Variants in CELF2 observed in about 807,000 individuals in gnomAD.
CELF2 encodes the protein CUG triplet repeat RNA-binding protein 2.
A neutral mutation model predicts 62.6 loss-of-function variants in CELF2; 8 were observed. The ratio of observed to expected loss-of-function variants is 0.13; its 90% CI spans 0.07 to 0.23. The LOEUF is 0.23. Among genes scored for constraint, CELF2 ranks in the 10% least tolerant of loss-of-function variants. CELF2 has a pLI of 1.00. For synonymous variants in CELF2, 258 were observed against 250.0 expected (o/e 1.03, Z -0.30); for missense variants, 333 against 671.0 (o/e 0.50, Z 5.56).
chr10:11,213,915 T>C (rs1019742345), intron 2 of CELF2, among the ~76,000 whole-genome samples: 1 of 152,212 alleles, frequency 6.6e-6, no homozygotes, highest in African/African-American at 2.4e-5. Context: ...TCTTTTTTGG[T>C]CCTGAATGAA....
chr10:10,975,869 T>C (rs540759599), intron 2 of CELF2, among the ~76,000 whole-genome samples: 1 of 152,328 alleles, frequency 6.6e-6, no homozygotes, highest in South Asian at 2.1e-4. Context: ...AGCTGACTCA[T>C]AGGCAACACA....
the CELF2 span, among the ~76,000 whole-genome samples, chr10:10,759,667 T>A: frequency 6.6e-6 from 1 of 152,032 alleles, no homozygotes; most frequent in Non-Finnish European, 1.5e-5. Flanking sequence ...TGCTTGAGGC[T>A]TCATGGCCCT....
the CELF2 span, among the ~76,000 whole-genome samples, chr10:10,544,720 A>C: frequency 6.6e-6 from 1 of 152,208 alleles, no homozygotes; most frequent in Non-Finnish European, 1.5e-5. Context: ...CAACTTCCCA[A>C]CACAGAGTAT....
At chr10:10,794,542 GA>G (rs895424963), upstream of CELF2, among the ~76,000 whole-genome samples, 1 of 151,172 alleles carries the variant, frequency 6.6e-6, no homozygotes, top group African/African-American at 2.4e-5. Context: ...AAAGACGAAT[GA>G]AAAAATGACA....
At chr10:10,519,242 G>A in the CELF2 span, among the ~76,000 whole-genome samples, 13 of 152,120 alleles carry the variant, frequency 8.5e-5, no homozygotes, top group African/African-American at 3.1e-4. Flanking sequence ...CTCTGGAAAT[G>A]GTTGCTTGTT....
chr10:11,241,349 G>A (rs1025154066), intron 3 of CELF2, among the ~76,000 whole-genome samples: 3 of 152,112 alleles, frequency 2.0e-5, no homozygotes, highest in Admixed American at 6.6e-5. Context: ...ACAGGTGTGC[G>A]CCACCATGCC....
chr10:11,157,698 A>G lies in CELF2; in HGVS notation c.75-7788A>G, dbSNP rs1043511239. ...AGCAGATATTCAGTAACTGAGAATG[A>G]GAAGGAAAGAAAAGGACTCAGGGTA... On this transcript the variant is annotated intron_variant, in intron 1 of 12. Transcript: ENST00000633077. The surrounding 1 kb of genome is among the most constrained non-coding windows in gnomAD (Gnocchi z 4.9). 6.6e-6 allele frequency among the ~76,000 whole-genome samples: 1 copy of G among 152,212 alleles called. No individual in the cohort carries two copies. The highest frequency in any genetic ancestry group is 2.4e-5 in the African/African-American group (1 of 41,440).
Position 10,931,717 on chromosome 10 carries a change from A to G in CELF2, c.89+11718A>G, listed in dbSNP as rs551447628. On this transcript the variant is annotated intron_variant, in intron 2 of 13. Transcript: ENST00000636488. This position sits in a 1 kb window ranked among gnomAD's most constrained non-coding sequence, Gnocchi z 6.1. ...AATGGAGATGCTTATGGACACCACA[A>G]TGAAACCTTAAAATGAATCTCTTGA... Among the ~76,000 whole-genome samples, 33 of 152,348 alleles carry G rather than the reference A, an allele frequency of 2.2e-4. No homozygotes were observed. The highest frequency in any genetic ancestry group is 7.9e-4 in the African/African-American group (33 of 41,580).
At chr10:11,236,791 AAAGGAAAT>A (rs2071493607) in intron 3 of CELF2, among the ~76,000 whole-genome samples, 6 of 152,224 alleles carry the variant, frequency 3.9e-5, no homozygotes, top group Admixed American at 1.3e-4. Flanking sequence ...TTAGATTGGC[AAAGGAAAT>A]ACGTGTGTAC....
chr10:11,228,142 G>A (rs946118365), intron 3 of CELF2, among the ~76,000 whole-genome samples: 7 of 152,164 alleles, frequency 4.6e-5, no homozygotes, highest in Non-Finnish European at 1.0e-4. Flanking sequence ...GATGTTTCTA[G>A]CATATTTTGG....
chr10:11,177,930 G>A lies in CELF2; in HGVS notation c.271+12248G>A, dbSNP rs1019671987. ...GGTGAAGCCAGTATGTCCTGGTGGTGGCCTTAGAAGACAGCCCCTGTGAGG... is the reference window on the plus strand; with the variant it reads ...GGTGAAGCCAGTATGTCCTGGTGGTAGCCTTAGAAGACAGCCCCTGTGAGG... On this transcript the variant is annotated intron_variant, in intron 2 of 12. Transcript: ENST00000633077. This position sits in a 1 kb window ranked among gnomAD's most constrained non-coding sequence, Gnocchi z 4.8. Among the ~76,000 whole-genome samples the A allele has an allele frequency of 1.3e-5, 2 of 152,180 alleles. No homozygotes were observed. Among genetic ancestry groups the A allele is most frequent in the African/African-American group, 4.8e-5 (2 of 41,442 alleles).
chr10:11,173,365 C>T (rs991265779), intron 2 of CELF2, among the ~76,000 whole-genome samples: 2 of 152,196 alleles, frequency 1.3e-5, no homozygotes, highest in Non-Finnish European at 2.9e-5. Context: ...GCTCCAGAGA[C>T]CCCAGATAAT....
At chr10:10,927,346 T>TAAAAAAAAAAAAAAAAA (rs34283995) in intron 2 of CELF2, 118 of 85,788 alleles carry the variant, frequency 1.4e-3, no homozygotes, top group Admixed American at 1.6e-3. Flanking sequence ...CTAGTGACAT[T>TAAAAAAAAAAAAAAAAA]AAAAAAAAAA....
chr10:10,518,363 C>T, the CELF2 span, among the ~76,000 whole-genome samples: 1,006 of 152,224 alleles, frequency 6.6e-3, 7 homozygotes, highest in East Asian at 0.035. Context: ...TTGTGTGGGA[C>T]GCTGAAATGG....
At chr10:11,094,017 A>G (rs1175898170) in intron 1 of CELF2, among the ~76,000 whole-genome samples, 1 of 152,166 alleles carries the variant, frequency 6.6e-6, no homozygotes, top group Non-Finnish European at 1.5e-5. Flanking sequence ...GACCAACCAC[A>G]CAACAGTCGA....
the CELF2 span, among the ~76,000 whole-genome samples, chr10:10,489,320 G>C: frequency 6.6e-6 from 1 of 152,118 alleles, no homozygotes; most frequent in Non-Finnish European, 1.5e-5. Flanking sequence ...ACAGCCCTGG[G>C]ATTTCCAAAT....
chr10:10,579,118 A>G, the CELF2 span, among the ~76,000 whole-genome samples: 1 of 152,210 alleles, frequency 6.6e-6, no homozygotes, highest in East Asian at 1.9e-4. Context: ...GATTGAAGAA[A>G]AAAGGGTATA....
chr10:10,582,483 C>T, the CELF2 span, among the ~76,000 whole-genome samples: 1 of 152,072 alleles, frequency 6.6e-6, no homozygotes, highest in Admixed American at 6.6e-5. Flanking sequence ...AGAGTCAAGG[C>T]TTCTCACTTT....
chr10:11,228,059 GAA>G (rs2067228825), intron 3 of CELF2, among the ~76,000 whole-genome samples: 1 of 152,166 alleles, frequency 6.6e-6, no homozygotes, highest in African/African-American at 2.4e-5. Flanking sequence ...TTAGGAAAGA[GAA>G]AATGAATTGC....
Sources: allele counts gnomAD v4.1 joint callset (sites outside exome capture counted in the v4.1 genomes callset), GRCh38; gene constraint gnomAD v4.1.1; non-coding constraint Gnocchi (gnomAD v3.1); transcripts MANE v1.5; gene names NCBI Gene and HGNC (gene_info 2026-07-23, HGNC 2026-07-21).